The following SASH1 variants were observed in gnomAD, a reference collection of about 807,000 sequenced individuals.
SASH1 encodes SAM and SH3 domain-containing protein 1.
In SASH1, 44 loss-of-function variants were observed where a neutral mutation model predicts 125.2. That is an observed-to-expected ratio of 0.35 (90% CI 0.28 to 0.45). SASH1 has a LOEUF of 0.45. SASH1 is among the 20% of genes least tolerant of loss of function. SASH1 has a pLI of 1.00. For missense variants in SASH1, 1,426 were observed against 1,614.5 expected (o/e 0.88, Z 2.00); for synonymous variants, 639 against 649.1 (o/e 0.98, Z 0.24).
At chr6:148,269,108 A>G (rs1779002818), upstream of SASH1, among the ~76,000 whole-genome samples, 1 of 152,226 alleles carries the variant, frequency 6.6e-6, no homozygotes, top group Non-Finnish European at 1.5e-5. Context: ...GTATGAAATA[A>G]CAAGACATTA....
At chr6:148,506,071 G>C (rs1779785117) in intron 8 of SASH1, among the ~76,000 whole-genome samples, 1 of 152,020 alleles carries the variant, frequency 6.6e-6, no homozygotes, top group Non-Finnish European at 1.5e-5. Flanking sequence ...GCCCGGCCTG[G>C]TTGTTGGGTT....
At chr6:148,221,032 C>T in the SASH1 span, among the ~76,000 whole-genome samples, 1 of 152,080 alleles carries the variant, frequency 6.6e-6, no homozygotes, top group Non-Finnish European at 1.5e-5. Context: ...TAATTTATTC[C>T]CATTTATTAA....
intron 1 of SASH1, among the ~76,000 whole-genome samples, chr6:148,287,629 TC>T (rs1779515476): frequency 6.6e-6 from 1 of 151,788 alleles, no homozygotes; most frequent in Non-Finnish European, 1.5e-5. Context: ...GATTGTTACT[TC>T]ACACTTCACT....
At chr6:148,319,847 A>C (rs1461861839) in intron 1 of SASH1, among the ~76,000 whole-genome samples, 5 of 152,130 alleles carry the variant, frequency 3.3e-5, no homozygotes, top group Non-Finnish European at 7.4e-5. Context: ...CGCCATTCTG[A>C]GGGACATAAT....
intron 8 of SASH1, among the ~76,000 whole-genome samples, chr6:148,510,735 C>T (rs888917024): frequency 3.5e-4 from 54 of 152,130 alleles, no homozygotes; most frequent in African/African-American, 1.2e-3. Context: ...GTGGTTCATG[C>T]CTGTAATCCC....
chr6:148,368,991 T>C (rs1006716473), intron 1 of SASH1, among the ~76,000 whole-genome samples: 1 of 152,250 alleles, frequency 6.6e-6, no homozygotes. Context: ...TACGGATCCA[T>C]TCACTTGTGG....
At chr6:148,286,989 G>A (rs889227530) in intron 1 of SASH1, among the ~76,000 whole-genome samples, 2 of 152,080 alleles carry the variant, frequency 1.3e-5, no homozygotes, top group African/African-American at 2.4e-5. Context: ...CTCTCCATGC[G>A]CTTCCTCAGA....
chr6:148,197,279 G>A, the SASH1 span, among the ~76,000 whole-genome samples: 1 of 152,100 alleles, frequency 6.6e-6, no homozygotes, highest in Non-Finnish European at 1.5e-5. Flanking sequence ...TATCTTTAAG[G>A]AAAAACATGA....
At chr6:148,516,174 C>T (rs1780425129) in intron 9 of SASH1, among the ~76,000 whole-genome samples, 1 of 152,190 alleles carries the variant, frequency 6.6e-6, no homozygotes, top group South Asian at 2.1e-4. Flanking sequence ...TATCTGGGCA[C>T]AAATCAGGCT....
chr6:148,448,113 A>AGTGTGTGTGTGTGTGTGT (rs113367122), intron 4 of SASH1, among the ~76,000 whole-genome samples: 12 of 133,292 alleles, frequency 9.0e-5, no homozygotes, highest in African/African-American at 3.6e-4. Flanking sequence ...TGCAGTGGAG[A>AGTGTGTGTGTGTGTGTGT]GAGTGTGTGT....
chr6:148,286,466 G>A (rs1340170406), intron 1 of SASH1, among the ~76,000 whole-genome samples: 6 of 152,194 alleles, frequency 3.9e-5, no homozygotes, highest in African/African-American at 1.4e-4. Flanking sequence ...TCACAAACTG[G>A]GGTGGTGGAG....
the SASH1 span, among the ~76,000 whole-genome samples, chr6:148,258,160 C>T: frequency 2.2e-4 from 34 of 152,058 alleles, no homozygotes; most frequent in Non-Finnish European, 1.5e-4. Context: ...CTCAAGAGAT[C>T]CTCCTACCTT....
chr6:148,445,170 G>A (rs1170026866), intron 4 of SASH1, among the ~76,000 whole-genome samples: 1 of 152,136 alleles, frequency 6.6e-6, no homozygotes, highest in Non-Finnish European at 1.5e-5. Context: ...ACTGCATCCT[G>A]TTTTATCGGC....
At chr6:148,385,273 CA>C (rs1262855643) in intron 1 of SASH1, among the ~76,000 whole-genome samples, 5 of 152,094 alleles carry the variant, frequency 3.3e-5, no homozygotes, top group Non-Finnish European at 7.3e-5. Context: ...CTCTTTTCCT[CA>C]GGAGCAACAA....
intron 1 of SASH1, among the ~76,000 whole-genome samples, chr6:148,349,098 A>G (rs1781615027): frequency 1.3e-5 from 2 of 152,084 alleles, no homozygotes; most frequent in Non-Finnish European, 1.5e-5. Flanking sequence ...GCAAAGAGGG[A>G]CAAAGGTGGA....
At chr6:148,309,320 C>T (rs1457600855) in intron 1 of SASH1, among the ~76,000 whole-genome samples, 1 of 152,152 alleles carries the variant, frequency 6.6e-6, no homozygotes, top group African/African-American at 2.4e-5. Context: ...GCTGGCTTTG[C>T]CCTCTGTGGG....
intron 2 of SASH1, among the ~76,000 whole-genome samples, chr6:148,414,770 A>G (rs1332420807): frequency 1.3e-5 from 2 of 151,980 alleles, no homozygotes; most frequent in South Asian, 2.1e-4. Flanking sequence ...GGCTCAAGCT[A>G]TTCTCTTGCC....
At chr6:148,386,471 T>C (rs930907395) in intron 1 of SASH1, among the ~76,000 whole-genome samples, 1 of 152,108 alleles carries the variant, frequency 6.6e-6, no homozygotes, top group Non-Finnish European at 1.5e-5. Flanking sequence ...AATACCTCAG[T>C]GTGGACCTCT....
In SASH1 at chr6:148,546,042, C is replaced by T; in HGVS notation, c.3376C>T (p.Leu1126=). The change falls in exon 19 of 20, where the codon CTG becomes TTG. Residue 1126 remains leucine, a synonymous_variant. Coordinates refer to ENST00000367467, the MANE Select transcript of SASH1 (RefSeq NM_015278.5). ...TGGCCGCTGTGGGATTCCTGAAGCCCTGGTGCAGAGATACGCAGAGGACTT... is the reference window on the plus strand; with the variant it reads ...TGGCCGCTGTGGGATTCCTGAAGCCTTGGTGCAGAGATACGCAGAGGACTT... ...KHGRCGIPEA[L]VQRYAEDLDQ... 1 of 1,614,160 alleles carries T rather than the reference C, an allele frequency of 6.2e-7. No individual in the cohort carries two copies. Among genetic ancestry groups the T allele is most frequent in the African/African-American group, 1.3e-5 (1 of 75,068 alleles).
Sources: gnomAD v4.1 joint callset for allele counts (sites outside exome capture counted in the v4.1 genomes callset) on GRCh38, gnomAD v4.1.1 for gene constraint, MANE v1.5 for transcripts, NCBI Gene and HGNC (gene_info 2026-07-23, HGNC 2026-07-21) for gene names.